PRKN: variants seen among roughly 807,000 people sequenced by gnomAD.
PRKN encodes the protein E3 ubiquitin-protein ligase parkin.
PRKN carries 56 observed loss-of-function variants against 59.5 expected under a neutral mutation model. The ratio of observed to expected loss-of-function variants is 0.94; its 90% confidence interval spans 0.76 to 1.18. The LOEUF (loss-of-function observed/expected upper bound fraction) is 1.18, where lower values mean the gene tolerates loss of function less well. Among genes scored for constraint, PRKN ranks in the 50% most tolerant of loss-of-function variants. The probability of loss-of-function intolerance (pLI) is 0.00; values close to 1 mark genes in which losing one functional copy is unlikely to be tolerated. For synonymous variants in PRKN, 250 were observed against 222.1 expected (o/e 1.13, Z -1.12); for missense variants, 657 against 596.4 (o/e 1.10, Z -1.06).
chr6:162,185,242 A>G (rs937878950), intron 4 of PRKN, among the ~76,000 whole-genome samples: 3 of 152,168 alleles, frequency 2.0e-5, no homozygotes, highest in African/African-American at 4.8e-5. Context: ...CCATTTGAAA[A>G]TAAATGCCCA....
At chr6:162,217,368 T>C (rs1354528186) in intron 3 of PRKN, among the ~76,000 whole-genome samples, 2 of 152,132 alleles carry the variant, frequency 1.3e-5, no homozygotes, top group Non-Finnish European at 2.9e-5. Flanking sequence ...ACTACTTACA[T>C]TTTTTTGTTT....
intron 7 of PRKN, among the ~76,000 whole-genome samples, chr6:161,605,334 A>G (rs1782239038): frequency 6.6e-6 from 1 of 152,206 alleles, no homozygotes; most frequent in African/African-American, 2.4e-5. Flanking sequence ...TTACATGTAC[A>G]TATAGAATGT....
intron 6 of PRKN, among the ~76,000 whole-genome samples, chr6:161,966,152 G>A (rs866036230): frequency 2.6e-5 from 4 of 151,924 alleles, no homozygotes; most frequent in East Asian, 1.9e-4. Context: ...ATGTTATCCC[G>A]AAGTCAGTTT....
intron 1 of PRKN, among the ~76,000 whole-genome samples, chr6:162,673,823 GA>G (rs1281263045): frequency 6.6e-6 from 1 of 152,234 alleles, no homozygotes; most frequent in African/African-American, 2.4e-5. Context: ...TTTCTGTCAA[GA>G]AAGGCTACAG....
At chr6:162,389,280 C>T (rs968853872) in intron 2 of PRKN, among the ~76,000 whole-genome samples, 14 of 152,046 alleles carry the variant, frequency 9.2e-5, no homozygotes, top group African/African-American at 3.4e-4. Flanking sequence ...AAAGAAGCCA[C>T]CAAGAAGAGC....
chr6:162,354,533 G>T (rs1297830632), intron 2 of PRKN, among the ~76,000 whole-genome samples: 1 of 151,984 alleles, frequency 6.6e-6, no homozygotes, highest in Admixed American at 6.6e-5. Flanking sequence ...TGGATCATAT[G>T]AAGTATGCAT....
rs939922070 is a variant in PRKN, at chr6:161,444,647, A to G, written c.1084-57770T>C. Among the ~76,000 whole-genome samples, 4 of 152,238 alleles carry G rather than the reference A, an allele frequency of 2.6e-5. No homozygotes were observed. The highest frequency in any genetic ancestry group is 7.2e-5 in the African/African-American group (3 of 41,464). On this transcript the variant is annotated intron_variant, in intron 9 of 11. Transcript: ENST00000366898. The surrounding 1 kb of genome is among the most constrained non-coding windows in gnomAD (Gnocchi z 5.6). ...CCTGAGAGGCTAATTCACTGTGCTCAGCCTGTCTGCGGGTAGCGAGGGCTC... is the reference window on the plus strand; with the variant it reads ...CCTGAGAGGCTAATTCACTGTGCTCGGCCTGTCTGCGGGTAGCGAGGGCTC...
chr6:161,936,567 AT>A (rs770235293), intron 6 of PRKN, among the ~76,000 whole-genome samples: 15 of 152,034 alleles, frequency 9.9e-5, no homozygotes, highest in Non-Finnish European at 2.1e-4. Flanking sequence ...GGAGGGCCAA[AT>A]AAAGAAAACG....
At chr6:161,613,713 G>C (rs1782570552) in intron 7 of PRKN, among the ~76,000 whole-genome samples, 1 of 152,202 alleles carries the variant, frequency 6.6e-6, no homozygotes, top group Non-Finnish European at 1.5e-5. Context: ...CCAGCAAAAA[G>C]ATAAGGATTT....
chr6:162,163,401 T>C (rs569096032), intron 4 of PRKN, among the ~76,000 whole-genome samples: 2 of 149,624 alleles, frequency 1.3e-5, no homozygotes, highest in East Asian at 3.9e-4. Context: ...CTAATCTGTA[T>C]AGCATGCTGC....
chr6:161,914,061 A>C (rs756651876), intron 6 of PRKN, among the ~76,000 whole-genome samples: 1 of 152,218 alleles, frequency 6.6e-6, no homozygotes, highest in Non-Finnish European at 1.5e-5. Context: ...TATTTTGTTA[A>C]GGCAGCCAAA....
At chr6:162,284,384 C>G (rs1781084114) in intron 2 of PRKN, among the ~76,000 whole-genome samples, 2 of 151,800 alleles carry the variant, frequency 1.3e-5, no homozygotes, top group African/African-American at 4.8e-5. Flanking sequence ...GCAACCATGC[C>G]CAGCTAATTT....
chr6:161,984,027 A>C (rs1371469918), intron 5 of PRKN, among the ~76,000 whole-genome samples: 5 of 152,150 alleles, frequency 3.3e-5, no homozygotes, highest in African/African-American at 1.2e-4. Context: ...ATAAGCTCAG[A>C]TGGCTGTACC....
At chr6:162,636,021 G>A (rs1777698136) in intron 1 of PRKN, among the ~76,000 whole-genome samples, 1 of 152,116 alleles carries the variant, frequency 6.6e-6, no homozygotes, top group African/African-American at 2.4e-5. Context: ...AAGGAATTCT[G>A]TAAAAATTAA....
chr6:162,464,373 T>C (rs1323918916), intron 1 of PRKN, among the ~76,000 whole-genome samples: 2 of 152,176 alleles, frequency 1.3e-5, no homozygotes, highest in African/African-American at 4.8e-5. Context: ...TTTCATTCAC[T>C]TTTCTAAGGT....
At chr6:162,570,592 C>A (rs1487748126) in intron 1 of PRKN, among the ~76,000 whole-genome samples, 1 of 152,080 alleles carries the variant, frequency 6.6e-6, no homozygotes, top group African/African-American at 2.4e-5. Flanking sequence ...ATGAATAATG[C>A]ATAAGGAAAA....
chr6:162,253,476 C>G (rs1779521755), intron 3 of PRKN, among the ~76,000 whole-genome samples: 1 of 152,156 alleles, frequency 6.6e-6, no homozygotes, highest in Admixed American at 6.5e-5. Flanking sequence ...ACTTTACCAG[C>G]ACAAATGGAC....
At chr6:162,499,217 T>A (rs147808987) in intron 1 of PRKN, among the ~76,000 whole-genome samples, 1 of 152,232 alleles carries the variant, frequency 6.6e-6, no homozygotes, top group Non-Finnish European at 1.5e-5. Flanking sequence ...CCTCTGTAAA[T>A]CTTGTCTCTG....
In PRKN at chr6:161,889,173, C is replaced by T. The variant is rs564623366; in HGVS notation, c.734+84129G>A. Among the ~76,000 whole-genome samples the T allele has an allele frequency of 2.6e-5, 4 of 151,992 alleles. 1 individual carries two copies. Among genetic ancestry groups the T allele is most frequent in the South Asian group, 4.1e-4 (2 of 4,822 alleles). On this transcript the variant is annotated intron_variant, in intron 6 of 11. Coordinates refer to ENST00000366898, the MANE Select transcript of PRKN (RefSeq NM_004562.3). ...GACGAAGAACCCAACAAAGTAACCA[C>T]GAAGTCAGAGACGCAGAGATGTGGG... is the stretch of plus-strand genomic sequence containing the variant.
Sources: gnomAD v4.1 joint callset for allele counts (sites outside exome capture counted in the v4.1 genomes callset) on GRCh38, gnomAD v4.1.1 for gene constraint, Gnocchi (gnomAD v3.1) non-coding constraint, MANE v1.5 for transcripts, NCBI Gene and HGNC (gene_info 2026-07-23, HGNC 2026-07-21) for gene names.